CCDC192: variants seen among roughly 807,000 people sequenced by gnomAD.
The protein encoded by CCDC192 is coiled-coil domain containing 192, also known as coiled-coil domain-containing protein 192.
intron 6 of CCDC192, among the ~76,000 whole-genome samples, chr5:127,939,490 T>C (rs1337780063): frequency 6.6e-6 from 1 of 152,124 alleles, no homozygotes; most frequent in Non-Finnish European, 1.5e-5. Context: ...AATTTCCCCA[T>C]GGATTCTTAA....
At chr5:127,803,673 T>C (rs1425235193) in intron 5 of CCDC192, among the ~76,000 whole-genome samples, 3 of 152,186 alleles carry the variant, frequency 2.0e-5, no homozygotes, top group African/African-American at 7.2e-5. Context: ...GTACTCCAGA[T>C]GTCTGCCTCC....
At chr5:127,746,131 G>A (rs1179225300) in intron 2 of CCDC192, among the ~76,000 whole-genome samples, 2 of 152,250 alleles carry the variant, frequency 1.3e-5, no homozygotes, top group East Asian at 1.9e-4. Flanking sequence ...TCAGAGAGCA[G>A]GGTGTGCTCA....
intron 6 of CCDC192, among the ~76,000 whole-genome samples, chr5:127,884,779 G>C (rs1000336212): frequency 6.6e-6 from 1 of 152,130 alleles, no homozygotes; most frequent in South Asian, 2.1e-4. Context: ...TATAAACTTG[G>C]AGAAGACAAC....
chr5:127,786,879 C>T, intron 3 of CCDC192: 2 of 462,716 alleles, frequency 4.3e-6, no homozygotes. Flanking sequence ...CTGGTGTACA[C>T]TAGCACACTA....
At chr5:127,891,489 G>A (rs1032969651) in intron 6 of CCDC192, among the ~76,000 whole-genome samples, 1 of 138,990 alleles carries the variant, frequency 7.2e-6, no homozygotes, top group African/African-American at 2.8e-5. Context: ...TGTTAGAGTG[G>A]AAGAAGGGTC....
chr5:127,732,227 C>T (rs781431315), intron 2 of CCDC192, among the ~76,000 whole-genome samples: 1 of 151,910 alleles, frequency 6.6e-6, no homozygotes, highest in Non-Finnish European at 1.5e-5. Flanking sequence ...ATGTGGCCAA[C>T]AAACATATGG....
intron 6 of CCDC192, among the ~76,000 whole-genome samples, chr5:127,931,422 A>T (rs1052901468): frequency 6.6e-6 from 1 of 152,208 alleles, no homozygotes; most frequent in African/African-American, 2.4e-5. Context: ...AGGACCATGG[A>T]TGCATTCAAT....
chr5:127,820,039 C>A (rs1243120750), intron 5 of CCDC192, among the ~76,000 whole-genome samples: 1 of 152,194 alleles, frequency 6.6e-6, no homozygotes, highest in East Asian at 1.9e-4. Context: ...ATTTCATCTT[C>A]ATACTCTTAC....
intron 6 of CCDC192, among the ~76,000 whole-genome samples, chr5:127,926,553 A>G (rs1382279238): frequency 1.3e-5 from 2 of 152,182 alleles, no homozygotes; most frequent in Non-Finnish European, 1.5e-5. Flanking sequence ...ACAAACTTAA[A>G]AGGTATTTAG....
intron 2 of CCDC192, among the ~76,000 whole-genome samples, chr5:127,719,196 A>T (rs1263480760): frequency 6.6e-6 from 1 of 152,056 alleles, no homozygotes. Flanking sequence ...AATGTCCTCC[A>T]ATTTCATCCA....
chr5:127,786,768 T>C (rs983206802), intron 3 of CCDC192: 1 of 657,110 alleles, frequency 1.5e-6, no homozygotes, highest in South Asian at 1.6e-5. Context: ...ATTCAAAAAT[T>C]ACTTAAGTTG....
chr5:127,721,309 C>A (rs1752008555), intron 2 of CCDC192, among the ~76,000 whole-genome samples: 1 of 152,180 alleles, frequency 6.6e-6, no homozygotes. Context: ...TACCCTAAAT[C>A]ATCTCTCTCA....
intron 3 of CCDC192, among the ~76,000 whole-genome samples, chr5:127,791,695 A>T (rs1756875701): frequency 6.6e-6 from 1 of 152,240 alleles, no homozygotes. Flanking sequence ...CAAATGGATG[A>T]TTGCAGTCTT....
At chr5:127,811,610 A>G (rs537793999) in intron 5 of CCDC192, among the ~76,000 whole-genome samples, 1 of 152,292 alleles carries the variant, frequency 6.6e-6, no homozygotes, top group Admixed American at 6.5e-5. Flanking sequence ...TATTAGGTAA[A>G]ATAAAATCAA....
chr5:127,726,880 G>A (rs548357237), intron 2 of CCDC192, among the ~76,000 whole-genome samples: 2 of 152,244 alleles, frequency 1.3e-5, no homozygotes, highest in African/African-American at 4.8e-5. Flanking sequence ...CAGTGCACCC[G>A]CTCCACCAAG....
At chr5:127,841,480 TA>T (rs1435387739) in intron 5 of CCDC192, among the ~76,000 whole-genome samples, 1 of 152,328 alleles carries the variant, frequency 6.6e-6, no homozygotes, top group Admixed American at 6.5e-5. Flanking sequence ...AATTTTTTTT[TA>T]ATCTTGGTTT....
chr5:127,793,708 A>G (rs1362911452), intron 3 of CCDC192, among the ~76,000 whole-genome samples: 1 of 152,242 alleles, frequency 6.6e-6, no homozygotes, highest in Admixed American at 6.5e-5. Flanking sequence ...GATGTAAGGT[A>G]ACATTTATAT....
intron 5 of CCDC192, among the ~76,000 whole-genome samples, chr5:127,806,242 A>C (rs953854110): frequency 6.6e-6 from 1 of 152,210 alleles, no homozygotes; most frequent in Non-Finnish European, 1.5e-5. Context: ...ACTGAGGGAC[A>C]GAGACCTAAT....
At chr5:127,799,841 GT>G (rs1757382416) in intron 5 of CCDC192, among the ~76,000 whole-genome samples, 1 of 152,060 alleles carries the variant, frequency 6.6e-6, no homozygotes, top group Admixed American at 6.6e-5. Flanking sequence ...CAACATTCAG[GT>G]TTCAATACAA....
Sources: allele counts gnomAD v4.1 joint callset (sites outside exome capture counted in the v4.1 genomes callset), GRCh38; gene constraint gnomAD v4.1.1; transcripts MANE v1.5; gene names NCBI Gene and HGNC (gene_info 2026-07-23, HGNC 2026-07-21).